The following DCAF8 variants were observed in gnomAD, a reference collection of about 807,000 sequenced individuals.
DCAF8 encodes the protein DDB1 and CUL4 associated factor 8, also known as DDB1- and CUL4-associated factor 8.
A neutral mutation model predicts 68.0 loss-of-function variants in DCAF8; 20 were observed. The ratio of observed to expected loss-of-function variants is 0.29; its 90% CI spans 0.21 to 0.43. DCAF8 has a LOEUF of 0.43. Among genes scored for constraint, DCAF8 ranks in the 20% least tolerant of loss-of-function variants. The pLI, the probability that DCAF8 is intolerant of heterozygous loss-of-function variation, is 1.00. For synonymous variants in DCAF8, 230 were observed against 276.9 expected, an observed-to-expected ratio of 0.83 and a Z score of 1.68; for missense variants, 460 against 771.0, an observed-to-expected ratio of 0.60 and a Z score of 4.78.
chr1:160,236,524 G>C (rs1219368708), intron 6 of DCAF8, among the ~76,000 whole-genome samples: 2 of 152,038 alleles, frequency 1.3e-5, no homozygotes, highest in African/African-American at 2.4e-5. Flanking sequence ...CCATAGCAAG[G>C]CTGAAGAAAA....
At chr1:160,262,339 C>G (rs1657135736) in intron 1 of DCAF8, 110 bp downstream of exon 1, 1 of 399,408 alleles carries the variant, frequency 2.5e-6, no homozygotes, top group Admixed American at 4.4e-5. Flanking sequence ...ATCGGCGAGG[C>G]TCAGCAGCCC....
chr1:160,226,449 A>G (rs1655476194), intron 7 of DCAF8, among the ~76,000 whole-genome samples: 1 of 152,178 alleles, frequency 6.6e-6, no homozygotes, highest in South Asian at 2.1e-4. Flanking sequence ...TCATGAGGAC[A>G]CACATATTAT....
At chr1:160,223,830 T>C (rs990808470) in intron 10 of DCAF8, among the ~76,000 whole-genome samples, 3 of 152,152 alleles carry the variant, frequency 2.0e-5, no homozygotes, top group Non-Finnish European at 4.4e-5. Flanking sequence ...CCCGGGAGGT[T>C]GAGGCTGCAG....
At chr1:160,246,156 A>C (rs1656329221) in intron 2 of DCAF8, among the ~76,000 whole-genome samples, 1 of 152,112 alleles carries the variant, frequency 6.6e-6, no homozygotes, top group Non-Finnish European at 1.5e-5. Flanking sequence ...AAAAAAATTA[A>C]AAAAAACTTA....
intron 6 of DCAF8, among the ~76,000 whole-genome samples, chr1:160,234,893 T>C (rs16831661): frequency 0.016 from 2,412 of 152,318 alleles, 63 homozygotes; most frequent in African/African-American, 0.049. Context: ...GAAGGTTATA[T>C]AAACAAGCAA....
Position 160,238,818 on chromosome 1 carries a change from C to T in DCAF8, c.724-71G>A, listed in dbSNP as rs1008244329. 5.4e-5 allele frequency: 77 copies of T among 1,414,172 alleles called. 1 individual carries two copies. The highest frequency in any genetic ancestry group is 4.1e-4 in the South Asian group (29 of 70,806). The allele number at this position is 1,414,172 out of a possible 1,614,324, so 87.6% of individuals were successfully genotyped here. On this transcript the variant is annotated intron_variant, in intron 4 of 13. Transcript: ENST00000368074. The stretch of plus-strand genomic sequence containing the variant: ...GAGGTAAACTTGAGAATAAAAAATA[C>T]GATGATGACCTCAACTTACCCCCTT...
chr1:160,220,626 T>C (rs1655263361), intron 11 of DCAF8: 1 of 152,140 alleles, frequency 6.6e-6, no homozygotes, highest in African/African-American at 2.4e-5. Context: ...GAGAATGGGA[T>C]CAAGCATCAA....
chr1:160,246,066 A>G (rs1656312632), intron 2 of DCAF8, among the ~76,000 whole-genome samples: 1 of 152,072 alleles, frequency 6.6e-6, no homozygotes, highest in Non-Finnish European at 1.5e-5. Context: ...TGAACCTGGG[A>G]GGCGGAGGTT....
intron 6 of DCAF8, among the ~76,000 whole-genome samples, chr1:160,233,632 A>G (rs1340081588): frequency 1.3e-5 from 2 of 152,214 alleles, no homozygotes; most frequent in Non-Finnish European, 2.9e-5. Context: ...TCATTTCCTT[A>G]GCAATTTGAA....
chr1:160,217,238 C>A lies in DCAF8; in HGVS notation c.*354G>T. 5.8e-6 allele frequency: 1 copy of A among 171,660 alleles called. No homozygotes were observed. The allele number at this position is 171,660 out of a possible 1,614,324, so 10.6% of individuals were successfully genotyped here. On this transcript the variant is annotated 3_prime_UTR_variant, in exon 14 of 14. Coordinates refer to ENST00000368074, the MANE Select transcript of DCAF8 (RefSeq NM_015726.4). ...ATAGCCAGTTGTTCCCCCCACCCCT[C>A]CCCCAGCCCAAGAAACAAGGGAGAT...
intron 2 of DCAF8, among the ~76,000 whole-genome samples, chr1:160,247,467 C>T (rs1251263017): frequency 1.3e-5 from 2 of 152,144 alleles, no homozygotes; most frequent in East Asian, 3.8e-4. Flanking sequence ...AAAAGAGATA[C>T]CAAGTGTCTC....
intron 10 of DCAF8, 110 bp downstream of exon 10, chr1:160,224,332 G>T: frequency 5.2e-6 from 4 of 768,262 alleles, no homozygotes; most frequent in Non-Finnish European, 6.5e-6. Context: ...ATCCCTCAGT[G>T]CCCATGGCAA....
Position 160,243,972 on chromosome 1 carries a change from C to G in DCAF8, c.37G>C (p.Asp13His). 6.2e-7 allele frequency: 1 copy of G among 1,614,134 alleles called. No homozygotes were observed. The highest frequency in any genetic ancestry group is 8.5e-7 in the Non-Finnish European group (1 of 1,180,002). Residue 13 changes from aspartate (D) to histidine (H), a missense_variant, in exon 3 of 14, where the codon GAC becomes CAC. This residue lies in a region of DCAF8 where 156 missense variants were observed against 181.4 expected (regional missense o/e 0.86). Coordinates refer to ENST00000368074, the MANE Select transcript of DCAF8 (RefSeq NM_015726.4). ...SKGSSTDGRTDLANGSLSSSP... is the reference protein window; with the variant it reads ...SKGSSTDGRTHLANGSLSSSP... The stretch of plus-strand genomic sequence containing the variant: ...TTTGGCCCCTTACCATTAGCTAAGT[C>G]TGTTCTGCCATCTGTGCTGCTCCCT...
chr1:160,251,536 G>C (rs1422294923), intron 2 of DCAF8, among the ~76,000 whole-genome samples: 1 of 151,872 alleles, frequency 6.6e-6, no homozygotes, highest in Non-Finnish European at 1.5e-5. Context: ...TCAGTAATGT[G>C]ATCTCAGCTC....
In DCAF8 at chr1:160,240,127, C is replaced by A. The variant is rs368652723; in HGVS notation, c.293G>T (p.Arg98Leu). 1 of 1,613,716 alleles carries A rather than the reference C, an allele frequency of 6.2e-7. No homozygotes were observed. The highest frequency in any genetic ancestry group is 8.5e-7 in the Non-Finnish European group (1 of 1,179,874). ...SINDENRVHD[R>L]SEEEEEEEEE... Reference sequence around the variant, plus strand: ...TTCCTCCTCTTCCTCTTCCTCTGAGCGGTCATGGACTCGATTTTCATCATT... The same window carrying A: ...TTCCTCCTCTTCCTCTTCCTCTGAGAGGTCATGGACTCGATTTTCATCATT... The change falls in exon 4 of 14, where the codon CGC (arginine) becomes CTC (leucine). Residue 98 changes from arginine (R) to leucine (L), a missense_variant. By Grantham distance (102) the Arg-to-Leu change is moderately radical. Coordinates refer to ENST00000368074, the MANE Select transcript of DCAF8 (RefSeq NM_015726.4).
intron 7 of DCAF8, among the ~76,000 whole-genome samples, chr1:160,230,273 C>T (rs1374508923): frequency 6.6e-6 from 1 of 152,148 alleles, no homozygotes; most frequent in East Asian, 1.9e-4. Flanking sequence ...TTTTCACTTA[C>T]CATTAGGAAA....
intron 2 of DCAF8, among the ~76,000 whole-genome samples, chr1:160,253,424 G>A (rs769394993): frequency 6.6e-6 from 1 of 151,932 alleles, no homozygotes; most frequent in Admixed American, 6.6e-5. Flanking sequence ...GAGGCGGGTG[G>A]ATCACCTGAG....
At position 160,240,037 on chromosome 1, in the gene DCAF8, T is replaced by A. The variant is rs1656040620; in HGVS notation, c.383A>T (p.Asp128Val). The change falls in exon 4 of 14, where the codon GAC (aspartate) becomes GTC (valine). Residue 128 changes from aspartate (D) to valine (V), a missense_variant. Around this residue, in one of 8 missense-constraint regions of DCAF8, gnomAD observed 156 missense variants for 181.4 expected, o/e 0.86. Coordinates refer to ENST00000368074, the MANE Select transcript of DCAF8 (RefSeq NM_015726.4). ...TAGGGCCCGCTCATCATCTGATGAG[T>A]CCTGGTCACGGTTAGCCCGCTTGCG... Reference protein sequence around the residue: ...VQRKRANRDQDSSDDERALED... With the variant: ...VQRKRANRDQVSSDDERALED... 6.2e-7 allele frequency: 1 copy of A among 1,614,084 alleles called. No individual in the cohort carries two copies. The highest frequency in any genetic ancestry group is 1.7e-5 in the Admixed American group (1 of 60,010).
At chr1:160,253,112 C>T (rs553677421) in intron 2 of DCAF8, among the ~76,000 whole-genome samples, 1 of 152,226 alleles carries the variant, frequency 6.6e-6, no homozygotes, top group South Asian at 2.1e-4. Context: ...TGAGGAATAC[C>T]TACCCTTAGA....
Sources: allele counts gnomAD v4.1 joint callset (sites outside exome capture counted in the v4.1 genomes callset), GRCh38; gene constraint gnomAD v4.1.1; regional missense constraint gnomAD v4.1.1; transcripts MANE v1.5; gene names NCBI Gene and HGNC (gene_info 2026-07-23, HGNC 2026-07-21).